The following MYO1E variants were observed in gnomAD, a reference collection of about 807,000 sequenced individuals.
The protein encoded by MYO1E is myosin IE.
MYO1E carries 68 observed loss-of-function variants against 151.1 expected under a neutral mutation model. That is an observed-to-expected ratio of 0.45 (90% CI 0.37 to 0.55). The LOEUF (loss-of-function observed/expected upper bound fraction) is 0.55. Ranked by LOEUF, MYO1E falls within the 20% of genes least tolerant of loss-of-function variation. The pLI is 0.00. For synonymous variants in MYO1E, 601 were observed against 501.7 expected (o/e 1.20, Z -2.64); for missense variants, 1,363 against 1,389.3 (o/e 0.98, Z 0.30).
chr15:59,331,111 G>A (rs753467576), intron 1 of MYO1E, among the ~76,000 whole-genome samples: 2 of 152,204 alleles, frequency 1.3e-5, no homozygotes, highest in Non-Finnish European at 2.9e-5. Flanking sequence ...AGACAGCCAC[G>A]TGATTTCATG....
In MYO1E at chr15:59,134,564, C is replaced by T. The variant is rs561359091; in HGVS notation, c.*2816G>A. 2.6e-5 allele frequency: 4 copies of T among 152,340 alleles called. No individual in the cohort carries two copies. In the South Asian group the frequency reaches 8.3e-4, roughly 32 times the overall value. 9.4% of individuals were successfully genotyped at this position (152,340 alleles called of 1,614,324 possible). A position where few individuals can be genotyped will look rare whatever the true frequency, so the allele number is the denominator to read the frequency against. On this transcript the variant is annotated 3_prime_UTR_variant, in exon 28 of 28. Coordinates refer to ENST00000288235, the MANE Select transcript of MYO1E (RefSeq NM_004998.4). ...CCCTTATACAGACCTCTGTCTCTCT[C>T]TCTTCTACAACTAAAGCTTGAACAC...
At chr15:59,305,489 C>T (rs1043220917) in intron 1 of MYO1E, among the ~76,000 whole-genome samples, 10 of 152,290 alleles carry the variant, frequency 6.6e-5, no homozygotes, top group Admixed American at 5.9e-4. Context: ...GCCACCACGC[C>T]CAGCCTATTC....
intron 1 of MYO1E, chr15:59,359,920 T>C (rs1236861991): frequency 2.6e-5 from 4 of 152,224 alleles, no homozygotes; most frequent in African/African-American, 7.2e-5. Flanking sequence ...GTATATCTCT[T>C]CTTTCAGTCC....
chr15:59,216,691 T>TACACACACACACACACACACACAC (rs199582846), intron 10 of MYO1E, among the ~76,000 whole-genome samples: 1 of 56,516 alleles, frequency 1.8e-5, no homozygotes, highest in African/African-American at 7.2e-5. Context: ...TATATACACA[T>TACACACACACACACACACACACAC]ACACACACAC....
At position 59,177,225 on chromosome 15, in the gene MYO1E, A is replaced by G. The variant is rs376753859; in HGVS notation, c.2049+1168T>C. Among the ~76,000 whole-genome samples, 12 of 152,326 alleles carry G rather than the reference A, an allele frequency of 7.9e-5. No individual in the cohort carries two copies. The East Asian group carries it at 1.7e-3, about 22-fold the overall frequency. On this transcript the variant is annotated intron_variant, in intron 19 of 27. Transcript: ENST00000288235. The stretch of plus-strand genomic sequence containing the variant: ...ATTCTTGTGAAGCTACAAATAACTC[A>G]AAGTAGAAAAATGCTACCACAAACG...
chr15:59,284,114 G>A (rs1192885114), intron 1 of MYO1E, among the ~76,000 whole-genome samples: 2 of 152,194 alleles, frequency 1.3e-5, no homozygotes, highest in African/African-American at 4.8e-5. Context: ...TCTGCCCCCT[G>A]CCATGTCCCC....
intron 4 of MYO1E, among the ~76,000 whole-genome samples, chr15:59,255,480 C>T (rs1329391194): frequency 1.3e-5 from 2 of 152,080 alleles, no homozygotes; most frequent in Non-Finnish European, 2.9e-5. Flanking sequence ...CTGCAACCTC[C>T]TCATCCCAGG....
At chr15:59,229,931 C>T (rs1411294255) in intron 6 of MYO1E, among the ~76,000 whole-genome samples, 4 of 150,912 alleles carry the variant, frequency 2.7e-5, no homozygotes, top group African/African-American at 9.8e-5. Context: ...TTTAATTTAA[C>T]AATATATTAT....
intron 17 of MYO1E, 74 bp downstream of exon 17, chr15:59,195,387 T>C (rs2079760167): frequency 5.3e-6 from 7 of 1,309,148 alleles, no homozygotes; most frequent in Non-Finnish European, 6.6e-6. Flanking sequence ...TGCTCCTGCC[T>C]GTGATGGAGG....
At position 59,205,319 on chromosome 15, in the gene MYO1E, C is replaced by T. The variant is rs1309565430; in HGVS notation, c.1616+81G>A. Reference sequence around the variant, plus strand: ...CTGGGACTATAGGAACACACCACCACACCCAGCTCATAAGTTTGTTTTCAT... The same window carrying T: ...CTGGGACTATAGGAACACACCACCATACCCAGCTCATAAGTTTGTTTTCAT... On this transcript the variant is annotated intron_variant, in intron 15 of 27. Transcript: ENST00000288235. 5.2e-6 allele frequency: 7 copies of T among 1,355,690 alleles called. No homozygotes were observed. In the South Asian group the frequency reaches 7.0e-5, roughly 14 times the overall value. The allele number at this position is 1,355,690 out of a possible 1,614,324, so 84.0% of individuals were successfully genotyped here. A position where few individuals can be genotyped will look rare whatever the true frequency, so the allele number is the denominator to read the frequency against.
chr15:59,147,611 A>AAAAAAAAC (rs1256831219), intron 26 of MYO1E, among the ~76,000 whole-genome samples: 1 of 151,212 alleles, frequency 6.6e-6, no homozygotes, highest in East Asian at 1.9e-4. Context: ...AAAAAAAAAA[A>AAAAAAAAC]AAAACAATAC....
intron 19 of MYO1E, among the ~76,000 whole-genome samples, chr15:59,176,841 G>C (rs79624041): frequency 0.12 from 17,799 of 152,126 alleles, 1,076 homozygotes; most frequent in Middle Eastern, 0.17. Context: ...GGAGAGAGCG[G>C]AGGTGATGGT....
chr15:59,225,618 C>G (rs951174102), intron 7 of MYO1E, among the ~76,000 whole-genome samples: 1 of 151,258 alleles, frequency 6.6e-6, no homozygotes, highest in Non-Finnish European at 1.5e-5. Flanking sequence ...TATTTCGTAG[C>G]TTCAAGAATT....
intron 16 of MYO1E, among the ~76,000 whole-genome samples, chr15:59,197,924 T>G (rs1186430897): frequency 6.6e-6 from 1 of 152,228 alleles, no homozygotes. Flanking sequence ...TAGAGTGGCA[T>G]GATCACAGCT....
chr15:59,265,261 T>C (rs779539697), intron 2 of MYO1E, among the ~76,000 whole-genome samples: 6 of 152,116 alleles, frequency 3.9e-5, no homozygotes, highest in Non-Finnish European at 8.8e-5. Flanking sequence ...CCTAGACAAA[T>C]TGATCACTGC....
intron 1 of MYO1E, among the ~76,000 whole-genome samples, chr15:59,328,337 G>T (rs1367232598): frequency 6.6e-6 from 1 of 152,104 alleles, no homozygotes; most frequent in Non-Finnish European, 1.5e-5. Flanking sequence ...AAGAGAACTT[G>T]ATCCATTGCC....
At chr15:59,186,549 T>G (rs193109480) in intron 18 of MYO1E, among the ~76,000 whole-genome samples, 215 of 152,218 alleles carry the variant, frequency 1.4e-3, no homozygotes, top group African/African-American at 4.9e-3. Flanking sequence ...GAGGATCACT[T>G]GAGAGTAGCT....
At position 59,214,293 on chromosome 15, in the gene MYO1E, A is replaced by C. The variant is rs1456506110; in HGVS notation, c.1210T>G (p.Cys404Gly). Residue 404 changes from cysteine (C) to glycine (G), a missense_variant, in exon 12 of 28, where the codon TGT (cysteine) becomes GGT (glycine). Physicochemically the swap from Cys to Gly is radical, Grantham distance 159 (BLOSUM62 -3). Coordinates refer to ENST00000288235, the MANE Select transcript of MYO1E (RefSeq NM_004998.4). Reference sequence around the variant, plus strand: ...AGTTTTTCATTAACAAAATTGATACAAAACTGTTCAAAGCCATTTTTCTGG... The same window carrying C: ...AGTTTTTCATTAACAAAATTGATACCAAACTGTTCAAAGCCATTTTTCTGG... Reference protein sequence around the residue: ...IFQKNGFEQFCINFVNEKLQQ... With the variant: ...IFQKNGFEQFGINFVNEKLQQ... 1 of 1,611,342 alleles carries C rather than the reference A, an allele frequency of 6.2e-7. No individual in the cohort carries two copies. Among genetic ancestry groups the C allele is most frequent in the East Asian group, 2.2e-5 (1 of 44,820 alleles).
At chr15:59,261,321 TA>T in intron 3 of MYO1E, 98 bp downstream of exon 3, 1 of 711,222 alleles carries the variant, frequency 1.4e-6, no homozygotes, top group Non-Finnish European at 2.4e-6. Flanking sequence ...AAAAAATTCA[TA>T]ATAGAAAAGT....
Sources: gnomAD v4.1 joint callset for allele counts (sites outside exome capture counted in the v4.1 genomes callset) on GRCh38, gnomAD v4.1.1 for gene constraint, MANE v1.5 for transcripts, NCBI Gene and HGNC (gene_info 2026-07-23, HGNC 2026-07-21) for gene names.